CLDN18: variants seen among roughly 807,000 people sequenced by gnomAD.
CLDN18 encodes the protein claudin 18.
In CLDN18, 20 loss-of-function variants were observed where a neutral mutation model predicts 25.0. The ratio of observed to expected loss-of-function variants is 0.80; its 90% CI spans 0.56 to 1.16. The LOEUF is 1.16. CLDN18 is among the 50% of genes most tolerant of loss of function. CLDN18 has a pLI of 0.00. For missense variants in CLDN18, 297 were observed against 345.4 expected (o/e 0.86, Z 1.11); for synonymous variants, 125 against 135.6 (o/e 0.92, Z 0.54).
intron 1 of CLDN18, among the ~76,000 whole-genome samples, chr3:138,011,120 A>G (rs1053899885): frequency 1.2e-4 from 18 of 152,310 alleles, no homozygotes; most frequent in African/African-American, 4.3e-4. Flanking sequence ...CCTGCTTTTA[A>G]TATAGATAAT....
chr3:138,023,148 C>T (rs555475454), intron 1 of CLDN18, among the ~76,000 whole-genome samples: 1 of 152,328 alleles, frequency 6.6e-6, no homozygotes, highest in Admixed American at 6.5e-5. Context: ...ACTTAGCAAC[C>T]TTGACTTCAT....
At chr3:138,016,570 T>C (rs1404684088) in intron 1 of CLDN18, among the ~76,000 whole-genome samples, 1 of 152,152 alleles carries the variant, frequency 6.6e-6, no homozygotes, top group Non-Finnish European at 1.5e-5. Context: ...CTCCATCATG[T>C]CCCTGGCTTG....
Position 138,024,690 on chromosome 3 carries a change from G to T in CLDN18, c.469G>T (p.Gly157Cys). ...FWMSTANMYTGMGGMVQTVQT... is the reference protein window; with the variant it reads ...FWMSTANMYTCMGGMVQTVQT... The stretch of plus-strand genomic sequence containing the variant: ...GATGTCCACAGCTAACATGTACACC[G>T]GCATGGGTGGGATGGTGCAGACTGT... Residue 157 changes from glycine (G) to cysteine (C), a missense_variant, in exon 3 of 5, where the codon GGC becomes TGC. Transcript: ENST00000183605. 6.2e-7 allele frequency: 1 copy of T among 1,612,404 alleles called. No individual in the cohort carries two copies. The highest frequency in any genetic ancestry group is 1.1e-5 in the South Asian group (1 of 91,048).
chr3:138,019,747 G>GA (rs200277592), intron 1 of CLDN18, among the ~76,000 whole-genome samples: 2,195 of 152,000 alleles, frequency 0.014, 51 homozygotes, highest in African/African-American at 0.049. Flanking sequence ...AGCCTGTGTT[G>GA]AAAAAAAACC....
chr3:138,024,467 G>T, intron 2 of CLDN18, 140 bp from the exon 3 acceptor site: 1 of 658,186 alleles, frequency 1.5e-6, no homozygotes, highest in Non-Finnish European at 2.8e-6. Context: ...CACATAGCAA[G>T]AATTCAATAA....
chr3:138,031,119 C>T lies in CLDN18; in HGVS notation c.764C>T (p.Pro255Leu), dbSNP rs1356063337. 6.2e-7 allele frequency: 1 copy of T among 1,613,638 alleles called. No individual in the cohort carries two copies. Residue 255 changes from proline to leucine, a missense_variant, in exon 5 of 5, where the codon CCT (proline) becomes CTT (leucine). By Grantham distance (98) the Pro-to-Leu change is moderately conservative (BLOSUM62 -3). Coordinates refer to ENST00000183605, the MANE Select transcript of CLDN18 (RefSeq NM_016369.4). ...ARTEDEVQSY[P>L]SKHDYV ...ACAGAGGACGAGGTACAATCTTATCCTTCCAAGCACGACTATGTGTAATGC... is the reference window on the plus strand; with the variant it reads ...ACAGAGGACGAGGTACAATCTTATCTTTCCAAGCACGACTATGTGTAATGC...
chr3:138,025,706 T>G (rs1942319323), intron 3 of CLDN18, among the ~76,000 whole-genome samples: 1 of 152,212 alleles, frequency 6.6e-6, no homozygotes, highest in African/African-American at 2.4e-5. Flanking sequence ...TAGAAGTAGG[T>G]TGACCAACTC....
chr3:138,030,715 A>G (rs139575651), intron 4 of CLDN18, among the ~76,000 whole-genome samples: 1 of 152,286 alleles, frequency 6.6e-6, no homozygotes, highest in Non-Finnish European at 1.5e-5. Context: ...AATCACAATT[A>G]TTTTATTCTC....
upstream of CLDN18, among the ~76,000 whole-genome samples, chr3:138,007,675 AT>A (rs1409430338): frequency 7.1e-6 from 1 of 140,560 alleles, no homozygotes; most frequent in Non-Finnish European, 1.6e-5. Context: ...AGTAAAATAA[AT>A]TTTTTAAATG....
At position 138,010,256 on chromosome 3, in the gene CLDN18, T is replaced by C. The variant is rs1942118111; in HGVS notation, c.31T>C (p.Phe11Leu). MSTTTCQVVAFLLSILGLAGC... is the reference protein window; with the variant it reads MSTTTCQVVALLLSILGLAGC... ...CACCACCACATGCCAAGTGGTGGCG[T>C]TCCTCCTGTCCATCCTGGGGCTGGC... Residue 11 changes from phenylalanine to leucine, a missense_variant, in exon 1 of 5, where the codon TTC becomes CTC. Physicochemically the swap from Phe to Leu is conservative, Grantham distance 22. Coordinates refer to ENST00000183605, the MANE Select transcript of CLDN18 (RefSeq NM_016369.4). The C allele has an allele frequency of 6.2e-7, 1 of 1,613,742 alleles. No homozygotes were observed. Among genetic ancestry groups the C allele is most frequent in the Admixed American group, 1.7e-5 (1 of 59,984 alleles).
At position 138,010,334 on chromosome 3, in the gene CLDN18, G is replaced by A. The variant is rs1208960210; in HGVS notation, c.109G>A (p.Asp37Asn). The change falls in exon 1 of 5, where the codon GAC becomes AAC. Residue 37 changes from aspartate to asparagine, a missense_variant. Physicochemically the swap from Asp to Asn is conservative, Grantham distance 23. Transcript: ENST00000183605. ...CATGTGGAGCACCCAGGACCTGTAC[G>A]ACAACCCCGTCACCTCCGTGTTCCA... The part of the protein sequence containing the change: ...MDMWSTQDLY[D>N]NPVTSVFQYE... 6.2e-7 allele frequency: 1 copy of A among 1,614,186 alleles called. No homozygotes were observed. The highest frequency in any genetic ancestry group is 8.5e-7 in the Non-Finnish European group (1 of 1,180,040).
chr3:138,024,206 A>C (rs78069555), intron 2 of CLDN18, among the ~76,000 whole-genome samples: 2,123 of 152,198 alleles, frequency 0.014, 40 homozygotes, highest in African/African-American at 0.047. Flanking sequence ...ATCTTAACTT[A>C]AGCTGAAAAA....
chr3:138,005,373 G>A (rs1942058609), upstream of CLDN18, among the ~76,000 whole-genome samples: 3 of 151,988 alleles, frequency 2.0e-5, no homozygotes, highest in Admixed American at 6.6e-5. Flanking sequence ...TTCTCCTAAT[G>A]CTATCCCTCC....
intron 1 of CLDN18, among the ~76,000 whole-genome samples, chr3:138,012,897 G>T (rs1942157991): frequency 6.6e-6 from 1 of 152,184 alleles, no homozygotes; most frequent in African/African-American, 2.4e-5. Context: ...GTCAGGAGGG[G>T]AGGAAATCAG....
rs181883101 is a variant in CLDN18 at position 138,030,347 on chromosome 3, T to C, written c.614+440T>C. Reference sequence around the variant, plus strand: ...AACTGTGCCACAGCAAAGAAGCATCTGTTCCAAAACGTCAACAGTGCTGCT... The same window carrying C: ...AACTGTGCCACAGCAAAGAAGCATCCGTTCCAAAACGTCAACAGTGCTGCT... On this transcript the variant is annotated intron_variant, in intron 4 of 4. Transcript: ENST00000183605. Among the ~76,000 whole-genome samples, 470 of 152,378 alleles carry C rather than the reference T, an allele frequency of 3.1e-3. 4 individuals are homozygous for C. Among genetic ancestry groups the C allele is most frequent in the African/African-American group, 0.011 (444 of 41,592 alleles).
At position 138,010,284 on chromosome 3, in the gene CLDN18, G is replaced by A. The variant is rs2107878358; in HGVS notation, c.59G>A (p.Gly20Asp). The change falls in exon 1 of 5, where the codon GGC becomes GAC. Residue 20 changes from glycine (G) to aspartate (D), a missense_variant. By Grantham distance (94) the Gly-to-Asp change is moderately conservative. Transcript: ENST00000183605. ...CTCCTGTCCATCCTGGGGCTGGCCG[G>A]CTGCATCGCGGCCACCGGGATGGAC... is the stretch of plus-strand genomic sequence containing the variant. Reference protein sequence around the residue: ...AFLLSILGLAGCIAATGMDMW... With the variant: ...AFLLSILGLADCIAATGMDMW... The A allele has an allele frequency of 6.2e-7, 1 of 1,614,138 alleles. No homozygotes were observed. Among genetic ancestry groups the A allele is most frequent in the Non-Finnish European group, 8.5e-7 (1 of 1,180,010 alleles).
upstream of CLDN18, among the ~76,000 whole-genome samples, chr3:138,008,156 G>A (rs1159656764): frequency 6.7e-6 from 1 of 149,908 alleles, no homozygotes; most frequent in Non-Finnish European, 1.5e-5. Flanking sequence ...TCCAGACACA[G>A]AGGCTCGTTT....
At chr3:138,019,831 ACT>A (rs1464188305) in intron 1 of CLDN18, among the ~76,000 whole-genome samples, 2 of 152,146 alleles carry the variant, frequency 1.3e-5, no homozygotes, top group Non-Finnish European at 2.9e-5. Flanking sequence ...GGAAGGGAAC[ACT>A]GAGTTCCTAT....
intron 3 of CLDN18, among the ~76,000 whole-genome samples, chr3:138,027,900 GA>G (rs1942344378): frequency 6.6e-6 from 1 of 152,136 alleles, no homozygotes; most frequent in Non-Finnish European, 1.5e-5. Flanking sequence ...TGCCAAGGCA[GA>G]AGCCCTTAAA....
Sources: gnomAD v4.1 joint callset for allele counts (sites outside exome capture counted in the v4.1 genomes callset) on GRCh38, gnomAD v4.1.1 for gene constraint, MANE v1.5 for transcripts, NCBI Gene and HGNC (gene_info 2026-07-23, HGNC 2026-07-21) for gene names.